The following SDK1 variants were observed in gnomAD, a reference collection of about 807,000 sequenced individuals.
SDK1 encodes protein sidekick-1.
A neutral mutation model predicts 245.5 loss-of-function variants in SDK1; 157 were observed. The observed-to-expected ratio is 0.64, with a 90% CI of 0.56 to 0.73. SDK1 has a LOEUF of 0.73. SDK1 is among the 30% of genes least tolerant of loss of function. SDK1 has a pLI of 0.00. For missense variants in SDK1, 3,583 were observed against 3,002.3 expected (o/e 1.19, Z -4.52); for synonymous variants, 1,647 against 1,278.5 (o/e 1.29, Z -6.15).
chr7:4,008,264 C>T lies in SDK1; in HGVS notation c.2132-2702C>T, dbSNP rs146340233. ...AATAGTAGACATTGTATGGACAGATCGTATTTGTTTACCCATTCATCCATC... is the reference window on the plus strand; with the variant it reads ...AATAGTAGACATTGTATGGACAGATTGTATTTGTTTACCCATTCATCCATC... On this transcript the variant is annotated intron_variant, in intron 14 of 44. Transcript: ENST00000404826. Among the ~76,000 whole-genome samples, 156 of 152,334 alleles carry T rather than the reference C, an allele frequency of 1.0e-3. 2 individuals carry two copies. In the South Asian group the frequency reaches 0.021, roughly 21 times the overall value.
intron 1 of SDK1, among the ~76,000 whole-genome samples, chr7:3,599,892 T>C (rs10274899): frequency 0.66 from 99,894 of 152,072 alleles, 33,322 homozygotes; most frequent in South Asian, 0.79. Flanking sequence ...TATTATTTTG[T>C]AAAATTGTTT....
intron 29 of SDK1, among the ~76,000 whole-genome samples, chr7:4,146,653 T>C (rs1214728769): frequency 4.6e-5 from 7 of 152,210 alleles, no homozygotes; most frequent in Admixed American, 4.6e-4. Context: ...GCCCCCAGTC[T>C]CTGATGTTAA....
intron 25 of SDK1, among the ~76,000 whole-genome samples, chr7:4,124,006 G>T (rs750105319): frequency 6.6e-6 from 1 of 152,216 alleles, no homozygotes; most frequent in Non-Finnish European, 1.5e-5. Context: ...TGAGGGTTGC[G>T]GTGAGGCCAC....
At chr7:3,683,092 C>G (rs1369102004) in intron 4 of SDK1, among the ~76,000 whole-genome samples, 1 of 152,108 alleles carries the variant, frequency 6.6e-6, no homozygotes, top group Non-Finnish European at 1.5e-5. Flanking sequence ...ACAGTATTAC[C>G]GAGCAAGGCA....
intron 25 of SDK1, 83 bp downstream of exon 25, chr7:4,114,357 G>T (rs750167327): frequency 1.8e-6 from 2 of 1,113,698 alleles, no homozygotes; most frequent in Non-Finnish European, 2.6e-6. Flanking sequence ...TCCCAGGCTA[G>T]TGGCGTCTCA....
At chr7:3,447,425 C>G (rs1562491648) in intron 1 of SDK1, among the ~76,000 whole-genome samples, 1 of 152,044 alleles carries the variant, frequency 6.6e-6, no homozygotes, top group Non-Finnish European at 1.5e-5. Flanking sequence ...TACACACACA[C>G]ACTCACTTAC....
chr7:3,656,950 T>C (rs1326849106), intron 4 of SDK1, among the ~76,000 whole-genome samples: 1 of 151,756 alleles, frequency 6.6e-6, no homozygotes, highest in Non-Finnish European at 1.5e-5. Context: ...GGTTTCACCT[T>C]GTTAGCCAGG....
chr7:3,621,492 G>T (rs189511280), intron 2 of SDK1, among the ~76,000 whole-genome samples: 1 of 152,214 alleles, frequency 6.6e-6, no homozygotes, highest in Non-Finnish European at 1.5e-5. Flanking sequence ...ATAAGAAGTA[G>T]GCATGATGTG....
intron 4 of SDK1, among the ~76,000 whole-genome samples, chr7:3,713,649 T>C (rs1013055618): frequency 6.6e-6 from 1 of 152,246 alleles, no homozygotes; most frequent in Non-Finnish European, 1.5e-5. Flanking sequence ...CCATCCGTCA[T>C]CAGATACCTT....
chr7:3,318,424 G>A (rs1020093332), intron 1 of SDK1, among the ~76,000 whole-genome samples: 27 of 152,272 alleles, frequency 1.8e-4, no homozygotes, highest in African/African-American at 6.3e-4. Context: ...TTTTTGTAAG[G>A]ATTAGAGGAG....
rs1375537671 is a variant in SDK1, at chr7:3,593,294, G to T, written c.299-25786G>T. ...CACTGCCCCTGTGCTTCCCTTTCTG[G>T]TGTAGGGCGCATGGAGCACTGGGGA... On this transcript the variant is annotated intron_variant, in intron 1 of 44. Transcript: ENST00000404826. Among the ~76,000 whole-genome samples the T allele has an allele frequency of 5.3e-5, 8 of 152,164 alleles. No individual in the cohort carries two copies. The East Asian group carries it at 1.5e-3, about 29-fold the overall frequency.
At chr7:4,152,438 A>G (rs572971326) in intron 30 of SDK1, among the ~76,000 whole-genome samples, 4 of 152,214 alleles carry the variant, frequency 2.6e-5, no homozygotes, top group African/African-American at 4.8e-5. Flanking sequence ...GTGTGCTCAC[A>G]TATATAAATA....
chr7:3,521,290 A>C (rs1299650830), intron 1 of SDK1, among the ~76,000 whole-genome samples: 3 of 152,210 alleles, frequency 2.0e-5, no homozygotes, highest in Non-Finnish European at 2.9e-5. Context: ...GGGGCCAGCC[A>C]AGTAATCCAG....
chr7:3,514,866 A>T (rs1320984282), intron 1 of SDK1, among the ~76,000 whole-genome samples: 1 of 150,838 alleles, frequency 6.6e-6, no homozygotes, highest in Non-Finnish European at 1.5e-5. Context: ...TCACGCGTGC[A>T]TGCGTGCATG....
At chr7:3,844,590 C>G (rs1372367307) in intron 5 of SDK1, among the ~76,000 whole-genome samples, 1 of 152,214 alleles carries the variant, frequency 6.6e-6, no homozygotes, top group Non-Finnish European at 1.5e-5. Context: ...AGCTATGAAA[C>G]TGAATTTTAC....
intron 32 of SDK1, among the ~76,000 whole-genome samples, chr7:4,162,271 G>C (rs1043778141): frequency 6.6e-6 from 1 of 152,080 alleles, no homozygotes; most frequent in Admixed American, 6.5e-5. Context: ...AGCTTTTCTA[G>C]AGAAGTCATC....
intron 5 of SDK1, among the ~76,000 whole-genome samples, chr7:3,890,915 T>C (rs1000781794): frequency 4.6e-5 from 7 of 152,106 alleles, no homozygotes; most frequent in African/African-American, 7.2e-5. Flanking sequence ...CTGGGTGATA[T>C]AGCTAGAATC....
At chr7:4,057,635 G>C (rs1314371788) in intron 19 of SDK1, among the ~76,000 whole-genome samples, 3 of 152,052 alleles carry the variant, frequency 2.0e-5, no homozygotes, top group Non-Finnish European at 4.4e-5. Flanking sequence ...AGCCTGTCTG[G>C]ATCACTCTGG....
intron 30 of SDK1, among the ~76,000 whole-genome samples, chr7:4,151,112 A>C (rs1243807749): frequency 1.3e-5 from 2 of 152,204 alleles, no homozygotes; most frequent in Non-Finnish European, 2.9e-5. Context: ...CAGGAGGCAC[A>C]GCTGGGTGTC....
Sources: gnomAD v4.1 joint callset for allele counts (sites outside exome capture counted in the v4.1 genomes callset) on GRCh38, gnomAD v4.1.1 for gene constraint, MANE v1.5 for transcripts, NCBI Gene and HGNC (gene_info 2026-07-23, HGNC 2026-07-21) for gene names.